The following RALYL variants were observed in gnomAD, a reference collection of about 807,000 sequenced individuals.
RALYL encodes RALY RNA binding protein like.
In RALYL, 29 loss-of-function variants were observed where a neutral mutation model predicts 35.1. That is an observed-to-expected ratio of 0.83 (90% confidence interval 0.61 to 1.13). The LOEUF (loss-of-function observed/expected upper bound fraction) is 1.13, where lower values mean the gene tolerates loss of function less well. Among genes scored for constraint, RALYL ranks in the 50% most tolerant of loss-of-function variants. The pLI, the probability that RALYL is intolerant of heterozygous loss-of-function variation, is 0.00. For missense variants in RALYL, 359 were observed against 360.4 expected (o/e 1.00, Z 0.03); for synonymous variants, 120 against 127.6 (o/e 0.94, Z 0.40).
At chr8:84,856,530 GAAAACCTTGGAAAA>G (rs1473659920) in intron 5 of RALYL, among the ~76,000 whole-genome samples, 1 of 152,106 alleles carries the variant, frequency 6.6e-6, no homozygotes, top group East Asian at 1.9e-4. Flanking sequence ...AAACTTCACA[GAAAACCTTGGAAAA>G]TTTAATAACA....
chr8:84,743,275 C>T (rs1807798129), intron 2 of RALYL, among the ~76,000 whole-genome samples: 1 of 151,904 alleles, frequency 6.6e-6, no homozygotes, highest in African/African-American at 2.4e-5. Context: ...GTTTTTCGTT[C>T]TGTGTCCTTT....
chr8:84,636,281 A>T (rs1797267030), intron 2 of RALYL, among the ~76,000 whole-genome samples: 1 of 151,716 alleles, frequency 6.6e-6, no homozygotes, highest in African/African-American at 2.4e-5. Flanking sequence ...GGAATTTATC[A>T]CCCTTATCAG....
intron 1 of RALYL, among the ~76,000 whole-genome samples, chr8:84,188,868 G>A (rs1813173268): frequency 6.6e-6 from 1 of 152,040 alleles, no homozygotes; most frequent in Non-Finnish European, 1.5e-5. Context: ...AACTTACCTT[G>A]TGGAAAATTA....
At position 84,707,407 on chromosome 8, in the gene RALYL, A is replaced by G. The variant is rs569890640; in HGVS notation, c.257-67172A>G. 1.1e-4 allele frequency among the ~76,000 whole-genome samples: 17 copies of G among 152,284 alleles called. No individual in the cohort carries two copies. The South Asian group carries it at 3.5e-3, about 32-fold the overall frequency. ...AACCATCTTGTGCCTTTACTCCTGT[A>G]TCTTTTATATATCCCTCATTTTTTT... On this transcript the variant is annotated intron_variant, in intron 2 of 8. Transcript: ENST00000521268.
chr8:84,595,809 G>T (rs1314097102), intron 2 of RALYL, among the ~76,000 whole-genome samples: 1 of 148,016 alleles, frequency 6.8e-6, no homozygotes. Context: ...AGAGCAAATG[G>T]GATTTGTAGT....
At chr8:84,563,439 C>G (rs2061587139) in intron 2 of RALYL, among the ~76,000 whole-genome samples, 2 of 151,864 alleles carry the variant, frequency 1.3e-5, no homozygotes, top group Admixed American at 1.3e-4. Context: ...CACTCACACT[C>G]AATTTCCTGA....
At chr8:84,878,005 T>C (rs1462043918) in intron 7 of RALYL, among the ~76,000 whole-genome samples, 2 of 152,198 alleles carry the variant, frequency 1.3e-5, no homozygotes, top group African/African-American at 4.8e-5. Context: ...ACAGGAGGTA[T>C]ACCTAATTTA....
chr8:84,890,582 C>G (rs1843654642), intron 8 of RALYL, among the ~76,000 whole-genome samples: 1 of 152,146 alleles, frequency 6.6e-6, no homozygotes, highest in African/African-American at 2.4e-5. Context: ...TCTTGTGTCC[C>G]ATTCTGAGAG....
intron 1 of RALYL, among the ~76,000 whole-genome samples, chr8:84,490,082 T>C (rs1414272468): frequency 1.2e-4 from 5 of 42,604 alleles, no homozygotes; most frequent in African/African-American, 3.7e-4. Flanking sequence ...TGCGTGCATG[T>C]GTGTGTGTGT....
At chr8:84,458,453 G>A (rs530981376) in intron 1 of RALYL, among the ~76,000 whole-genome samples, 2 of 151,592 alleles carry the variant, frequency 1.3e-5, no homozygotes, top group African/African-American at 2.4e-5. Context: ...TATATTAATT[G>A]TTGATTATAT....
chr8:84,680,575 T>G (rs2131970463), intron 2 of RALYL, among the ~76,000 whole-genome samples: 1 of 152,340 alleles, frequency 6.6e-6, no homozygotes. Flanking sequence ...ATTGTGGTTT[T>G]GATTTGCATT....
At chr8:84,859,872 T>A (rs997558950) in intron 5 of RALYL, among the ~76,000 whole-genome samples, 1 of 151,654 alleles carries the variant, frequency 6.6e-6, no homozygotes, top group Non-Finnish European at 1.5e-5. Flanking sequence ...AGAAAGAAAA[T>A]TAGTCATTTT....
chr8:84,242,013 C>T (rs1828027343), intron 1 of RALYL, among the ~76,000 whole-genome samples: 1 of 152,066 alleles, frequency 6.6e-6, no homozygotes, highest in African/African-American at 2.4e-5. Flanking sequence ...CCCTCCCACA[C>T]CCCCAACAGG....
intron 5 of RALYL, among the ~76,000 whole-genome samples, chr8:84,859,196 T>A (rs1163057381): frequency 6.6e-6 from 1 of 152,084 alleles, no homozygotes; most frequent in Non-Finnish European, 1.5e-5. Context: ...CTATGTATAT[T>A]AAGTAGTGGC....
chr8:84,436,514 AAG>A (rs1164676392), intron 1 of RALYL, among the ~76,000 whole-genome samples: 3 of 150,728 alleles, frequency 2.0e-5, no homozygotes, highest in African/African-American at 4.9e-5. Flanking sequence ...AGGCACTAAA[AAG>A]AGAGTGTCTT....
chr8:84,310,964 G>A (rs1324442564), intron 1 of RALYL, among the ~76,000 whole-genome samples: 4 of 137,950 alleles, frequency 2.9e-5, no homozygotes, highest in South Asian at 2.3e-4. Flanking sequence ...GGAGAATGGC[G>A]TGAACCCGGG....
intron 2 of RALYL, among the ~76,000 whole-genome samples, chr8:84,574,112 A>G (rs901677200): frequency 6.6e-6 from 1 of 151,978 alleles, no homozygotes; most frequent in Non-Finnish European, 1.5e-5. Flanking sequence ...CTTTAATCTG[A>G]CAAGCAACTA....
intron 1 of RALYL, among the ~76,000 whole-genome samples, chr8:84,460,424 C>A (rs74660035): frequency 1.5e-4 from 23 of 151,764 alleles, no homozygotes; most frequent in Admixed American, 4.6e-4. Flanking sequence ...AAATGCCCAT[C>A]ATAGAGAATT....
chr8:84,305,498 TAAAATGTGA>T (rs937477405), intron 1 of RALYL, among the ~76,000 whole-genome samples: 1 of 152,206 alleles, frequency 6.6e-6, no homozygotes, highest in African/African-American at 2.4e-5. Context: ...TTTAATTGTG[TAAAATGTGA>T]GAAAAGGGAA....
Sources: allele counts gnomAD v4.1 joint callset (sites outside exome capture counted in the v4.1 genomes callset), GRCh38; gene constraint gnomAD v4.1.1; transcripts MANE v1.5; gene names NCBI Gene and HGNC (gene_info 2026-07-23, HGNC 2026-07-21).